ZNF385B: variants seen among roughly 807,000 people sequenced by gnomAD.
ZNF385B encodes the protein zinc finger protein 385B, also known as zinc finger protein 533.
In ZNF385B, 23 loss-of-function variants were observed where a neutral mutation model predicts 39.2. The ratio of observed to expected loss-of-function variants is 0.59; its 90% CI spans 0.42 to 0.83. The LOEUF (loss-of-function observed/expected upper bound fraction) is 0.83, where lower values mean the gene tolerates loss of function less well. ZNF385B is among the 40% of genes least tolerant of loss of function. The pLI is 0.00. For synonymous variants in ZNF385B, 205 were observed against 222.6 expected (o/e 0.92, Z 0.70); for missense variants, 552 against 598.9 (o/e 0.92, Z 0.82).
At chr2:179,858,131 C>T (rs961507804) in intron 1 of ZNF385B, among the ~76,000 whole-genome samples, 15 of 151,868 alleles carry the variant, frequency 9.9e-5, no homozygotes, top group African/African-American at 3.6e-4. Flanking sequence ...GATAAGAAGA[C>T]TGAAAAAAAT....
chr2:179,793,753 T>TG (rs1157293464), intron 1 of ZNF385B, among the ~76,000 whole-genome samples: 3 of 152,158 alleles, frequency 2.0e-5, no homozygotes, highest in African/African-American at 7.2e-5. Flanking sequence ...CCATGGCAGG[T>TG]GGCTGGGGGC....
chr2:179,689,641 TC>T (rs1698190711), intron 3 of ZNF385B, among the ~76,000 whole-genome samples: 1 of 152,092 alleles, frequency 6.6e-6, no homozygotes, highest in African/African-American at 2.4e-5. Flanking sequence ...GATCGAATAT[TC>T]CCCATTCCTC....
chr2:179,450,805 G>A (rs1435337799), intron 6 of ZNF385B, among the ~76,000 whole-genome samples: 1 of 151,926 alleles, frequency 6.6e-6, no homozygotes, highest in African/African-American at 2.4e-5. Flanking sequence ...GCACATGTAT[G>A]TTTATTGTGG....
chr2:179,727,722 T>C (rs963735189), intron 3 of ZNF385B, among the ~76,000 whole-genome samples: 5 of 151,994 alleles, frequency 3.3e-5, no homozygotes, highest in African/African-American at 1.2e-4. Flanking sequence ...ATAACCACTA[T>C]GGAAAAACAA....
chr2:179,816,068 T>A (rs942283084), intron 1 of ZNF385B, among the ~76,000 whole-genome samples: 1 of 152,086 alleles, frequency 6.6e-6, no homozygotes, highest in African/African-American at 2.4e-5. Context: ...CAGTCAGAAC[T>A]GCCTACTCTA....
chr2:179,719,281 T>C (rs1700530139), intron 3 of ZNF385B, among the ~76,000 whole-genome samples: 1 of 152,298 alleles, frequency 6.6e-6, no homozygotes, highest in East Asian at 1.9e-4. Context: ...CCGACCAAGC[T>C]GGAGAGGAGG....
At chr2:179,644,057 C>T (rs1554104) in intron 3 of ZNF385B, among the ~76,000 whole-genome samples, 151,638 of 152,212 alleles carry the variant, frequency 1, 75,538 homozygotes, top group East Asian at 1. Context: ...TTTTCCCTGA[C>T]GATACTAAAG....
At chr2:179,547,616 T>C (rs568302935) in intron 3 of ZNF385B, among the ~76,000 whole-genome samples, 3 of 149,728 alleles carry the variant, frequency 2.0e-5, no homozygotes, top group Non-Finnish European at 4.4e-5. Context: ...TTGGTTACTA[T>C]AGCTCTGCAG....
chr2:179,555,606 A>G (rs1515296), intron 3 of ZNF385B, among the ~76,000 whole-genome samples: 148,775 of 149,130 alleles, frequency 1, 74,248 homozygotes, highest in Middle Eastern at 1. Flanking sequence ...AGTTTGTATA[A>G]TTTTAGGATG....
At chr2:179,622,038 T>G (rs1196206730) in intron 3 of ZNF385B, among the ~76,000 whole-genome samples, 1 of 152,168 alleles carries the variant, frequency 6.6e-6, no homozygotes, top group Admixed American at 6.5e-5. Context: ...GCTGTAACTT[T>G]TTAGTTACAA....
chr2:179,621,914 A>G (rs921317186), intron 3 of ZNF385B, among the ~76,000 whole-genome samples: 2 of 152,194 alleles, frequency 1.3e-5, no homozygotes, highest in African/African-American at 4.8e-5. Flanking sequence ...CTTCAATTTG[A>G]CAACATGATG....
intron 3 of ZNF385B, chr2:179,745,659 C>T: frequency 4.1e-6 from 6 of 1,446,100 alleles, no homozygotes; most frequent in Non-Finnish European, 5.6e-6. Context: ...ACAAAAGAAT[C>T]TGTTACTGAC....
chr2:179,670,208 C>T (rs1012457160), intron 3 of ZNF385B, among the ~76,000 whole-genome samples: 6 of 148,448 alleles, frequency 4.0e-5, no homozygotes, highest in Admixed American at 1.4e-4. Flanking sequence ...AGGAGAATGG[C>T]GTGAACCCGG....
chr2:179,565,808 A>G (rs561279420), intron 3 of ZNF385B, among the ~76,000 whole-genome samples: 4 of 152,380 alleles, frequency 2.6e-5, no homozygotes, highest in African/African-American at 9.6e-5. Context: ...TTCAGAAGAA[A>G]GCATTTTGAT....
At chr2:179,853,767 C>G (rs1684364334) in intron 1 of ZNF385B, among the ~76,000 whole-genome samples, 1 of 152,132 alleles carries the variant, frequency 6.6e-6, no homozygotes, top group African/African-American at 2.4e-5. Context: ...CTAATTTTAT[C>G]TGATGACAAC....
intron 3 of ZNF385B, among the ~76,000 whole-genome samples, chr2:179,573,334 C>T (rs1432693384): frequency 6.6e-6 from 1 of 151,968 alleles, no homozygotes. Flanking sequence ...AGCACCTAGA[C>T]TTGGATGAAA....
At chr2:179,595,745 T>C (rs3106711) in intron 3 of ZNF385B, among the ~76,000 whole-genome samples, 150,881 of 151,180 alleles carry the variant, frequency 1, 75,292 homozygotes, top group Non-Finnish European at 1. Flanking sequence ...CATACCTAAG[T>C]GCAACCCACC....
chr2:179,592,877 T>A (rs1274423619), intron 3 of ZNF385B, among the ~76,000 whole-genome samples: 1 of 152,162 alleles, frequency 6.6e-6, no homozygotes, highest in Non-Finnish European at 1.5e-5. Flanking sequence ...TTCTCAAAAG[T>A]CTCTACGACC....
At chr2:179,449,389 T>C (rs4894099) in intron 6 of ZNF385B, among the ~76,000 whole-genome samples, 107,167 of 151,942 alleles carry the variant, frequency 0.71, 38,319 homozygotes, top group East Asian at 0.93. Context: ...AGCTGATAGG[T>C]AACTTCAGCA....
Sources: gnomAD v4.1 joint callset for allele counts (sites outside exome capture counted in the v4.1 genomes callset) on GRCh38, gnomAD v4.1.1 for gene constraint, MANE v1.5 for transcripts, NCBI Gene and HGNC (gene_info 2026-07-23, HGNC 2026-07-21) for gene names.